Variants in GSN observed in about 807,000 individuals in gnomAD.
GSN encodes the protein actin-depolymerizing factor.
Under a neutral mutation model 85.7 loss-of-function variants are expected in GSN, and 56 were observed. The observed-to-expected ratio is 0.65, with a 90% CI of 0.53 to 0.82. The LOEUF (loss-of-function observed/expected upper bound fraction) is 0.82. Ranked by LOEUF, GSN falls within the 40% of genes least tolerant of loss-of-function variation. The pLI is 0.00. For synonymous variants in GSN, 373 were observed against 399.1 expected (o/e 0.93, Z 0.78); for missense variants, 857 against 979.8 (o/e 0.87, Z 1.67).
chr9:121,282,475 G>T, intron 2 of GSN: 15 of 1,262,504 alleles, frequency 1.2e-5, no homozygotes, highest in Non-Finnish European at 1.4e-5. Context: ...TTACGCGTCT[G>T]CTGTGGCCCA....
At chr9:121,224,098 T>A (rs2054225676) in intron 4 of GSN, among the ~76,000 whole-genome samples, 1 of 152,050 alleles carries the variant, frequency 6.6e-6, no homozygotes, top group South Asian at 2.1e-4. Flanking sequence ...TACATTTATT[T>A]ATTTATTTAT....
chr9:121,275,134 G>A (rs560638195), intron 1 of GSN, among the ~76,000 whole-genome samples: 56 of 152,296 alleles, frequency 3.7e-4, no homozygotes, highest in African/African-American at 1.3e-3. Context: ...TTCCTGAAAC[G>A]TTACATTTCA....
At chr9:121,286,631 G>GC in intron 2 of GSN, 1 of 1,529,240 alleles carries the variant, frequency 6.5e-7, no homozygotes, top group Non-Finnish European at 8.7e-7. Flanking sequence ...GACTATTGGT[G>GC]TTCCTGTTTG....
At chr9:121,315,733 C>A (rs966160442) in intron 7 of GSN, among the ~76,000 whole-genome samples, 3 of 152,104 alleles carry the variant, frequency 2.0e-5, no homozygotes, top group Non-Finnish European at 2.9e-5. Context: ...TGCACTCCAG[C>A]CTGGGCGACA....
At chr9:121,252,509 G>C (rs985703624) in intron 6 of GSN, among the ~76,000 whole-genome samples, 2 of 152,206 alleles carry the variant, frequency 1.3e-5, no homozygotes, top group African/African-American at 4.8e-5. Context: ...ACATTTCCTA[G>C]TCTTTTGGCA....
intron 16 of GSN, among the ~76,000 whole-genome samples, chr9:121,330,323 A>C (rs2133956638): frequency 6.6e-6 from 1 of 152,350 alleles, no homozygotes; most frequent in East Asian, 1.9e-4. Context: ...TTGTAAACCC[A>C]GCACTTTGAG....
intron 1 of GSN, among the ~76,000 whole-genome samples, chr9:121,274,326 G>A (rs777679770): frequency 8.6e-5 from 13 of 152,042 alleles, no homozygotes; most frequent in East Asian, 3.8e-4. Context: ...TCTTTGGTGT[G>A]CCTGTACCAT....
At chr9:121,250,875 GTGT>G (rs759141346) in intron 6 of GSN, among the ~76,000 whole-genome samples, 31 of 25,782 alleles carry the variant, frequency 1.2e-3, no homozygotes, top group African/African-American at 3.8e-3. Context: ...TGCTTGGGGT[GTGT>G]GTGTGTGTGT....
intron 4 of GSN, among the ~76,000 whole-genome samples, chr9:121,226,644 A>G (rs2054276608): frequency 6.6e-6 from 1 of 152,240 alleles, no homozygotes; most frequent in African/African-American, 2.4e-5. Context: ...TTCCTGAGAC[A>G]TAGGTGAACT....
chr9:121,326,856 C>T (rs2133885298), intron 13 of GSN, 174 bp downstream of exon 13: 1 of 774,530 alleles, frequency 1.3e-6, no homozygotes, highest in East Asian at 2.5e-5. Context: ...AGACTCCCCC[C>T]TGTTTCAAGG....
At chr9:121,269,436 G>C (rs1208727470) in intron 1 of GSN, among the ~76,000 whole-genome samples, 1 of 152,128 alleles carries the variant, frequency 6.6e-6, no homozygotes, top group Admixed American at 6.5e-5. Context: ...TGCCGTTTGC[G>C]GACTCCTTGC....
intron 4 of GSN, chr9:121,308,278 T>C (rs1225862029): frequency 6.6e-6 from 1 of 152,024 alleles, no homozygotes; most frequent in African/African-American, 2.4e-5. Flanking sequence ...CACCAGGGAG[T>C]CCTCCAGCCA....
Position 121,302,070 on chromosome 9 carries a change from C to G in GSN, c.99C>G (p.Asn33Lys), listed in dbSNP as rs370368742. The G allele has an allele frequency of 1.2e-6, 2 of 1,614,128 alleles. No individual in the cohort carries two copies. Among genetic ancestry groups the G allele is most frequent in the Admixed American group, 1.7e-5 (1 of 60,014 alleles). The change falls in exon 3 of 18, where the codon AAC (asparagine) becomes AAG (lysine). Residue 33 changes from asparagine to lysine, a missense_variant. By Grantham distance (94) the Asn-to-Lys change is moderately conservative. Transcript: ENST00000432226. ...TCGATCTGGTGCCCGTGCCCACCAA[C>G]CTTTATGGAGACTTCTTCACGGGCG... ...EKFDLVPVPTNLYGDFFTGDA... is the reference protein window; with the variant it reads ...EKFDLVPVPTKLYGDFFTGDA...
At position 121,299,278 on chromosome 9, in the gene GSN, G is replaced by T. The variant is rs139214746; in HGVS notation, c.-9-2685G>T. The T allele has an allele frequency of 1.9e-3, 1,827 of 985,228 alleles. 3 individuals carry two copies. Among genetic ancestry groups the T allele is most frequent in the Non-Finnish European group, 2.1e-3 (1,711 of 829,738 alleles). The allele number at this position is 985,228 out of a possible 1,614,324, so 61.0% of individuals were successfully genotyped here. On this transcript the variant is annotated intron_variant, in intron 2 of 17. Transcript: ENST00000432226. The surrounding 1 kb of genome is among the most constrained non-coding windows in gnomAD (Gnocchi z 4.2). ...CCGGCTTCACCTGCCCACGGGAGCC[G>T]GGTCCCCTGCCCTGCTGCGGCGCAT...
At chr9:121,264,178 G>A (rs1048705967), upstream of GSN, among the ~76,000 whole-genome samples, 1 of 152,156 alleles carries the variant, frequency 6.6e-6, no homozygotes, top group Non-Finnish European at 1.5e-5. Context: ...ATTTGGCCAG[G>A]TGTGATGGCT....
intron 5 of GSN, among the ~76,000 whole-genome samples, chr9:121,246,179 G>A (rs1210311287): frequency 6.6e-6 from 1 of 152,178 alleles, no homozygotes; most frequent in African/African-American, 2.4e-5. Flanking sequence ...AGTGGCAATT[G>A]TAAAAGCTGG....
rs1175400045 is a variant in GSN, at chr9:121,302,101, T to C, written c.130T>C (p.Tyr44His). 1.2e-6 allele frequency: 2 copies of C among 1,614,164 alleles called. No homozygotes were observed. Among genetic ancestry groups the C allele is most frequent in the South Asian group, 1.1e-5 (1 of 91,084 alleles). The stretch of plus-strand genomic sequence containing the variant: ...TGGAGACTTCTTCACGGGCGACGCC[T>C]ACGTCATCCTGAAGACAGTGCAGCT... Reference protein sequence around the residue: ...LYGDFFTGDAYVILKTVQLRN... With the variant: ...LYGDFFTGDAHVILKTVQLRN... The change falls in exon 3 of 18, where the codon TAC becomes CAC. Residue 44 changes from tyrosine (Y) to histidine (H), a missense_variant. Physicochemically the swap from Tyr to His is moderately conservative, Grantham distance 83. Transcript: ENST00000432226.
At chr9:121,227,845 G>A (rs2054299836) in intron 4 of GSN, among the ~76,000 whole-genome samples, 1 of 152,144 alleles carries the variant, frequency 6.6e-6, no homozygotes, top group Admixed American at 6.6e-5. Flanking sequence ...GGGCAGGGCA[G>A]TTGCCACTCA....
At chr9:121,205,644 A>G (rs2053869942), upstream of GSN, among the ~76,000 whole-genome samples, 1 of 152,156 alleles carries the variant, frequency 6.6e-6, no homozygotes, top group East Asian at 1.9e-4. Flanking sequence ...AGTGTGGCAT[A>G]ATGACACAAG....
Sources: gnomAD v4.1 joint callset for allele counts (sites outside exome capture counted in the v4.1 genomes callset) on GRCh38, gnomAD v4.1.1 for gene constraint, Gnocchi (gnomAD v3.1) non-coding constraint, MANE v1.5 for transcripts, NCBI Gene and HGNC (gene_info 2026-07-23, HGNC 2026-07-21) for gene names.